STK39: variants seen among roughly 807,000 people sequenced by gnomAD.
STK39 encodes serine/threonine kinase 39, also known as STE20/SPS1-related proline-alanine-rich protein kinase.
STK39 carries 20 observed loss-of-function variants against 77.8 expected under a neutral mutation model. That is an observed-to-expected ratio of 0.26 (90% confidence interval 0.18 to 0.37). STK39 has a LOEUF of 0.37. Among genes scored for constraint, STK39 ranks in the 10% least tolerant of loss-of-function variants. STK39 has a pLI of 1.00. For missense variants in STK39, 479 were observed against 656.5 expected (o/e 0.73, Z 2.95); for synonymous variants, 246 against 234.1 (o/e 1.05, Z -0.47).
chr2:167,966,631 GC>G (rs1166326459), intron 16 of STK39, among the ~76,000 whole-genome samples: 8 of 152,074 alleles, frequency 5.3e-5, no homozygotes, highest in Admixed American at 2.6e-4. Flanking sequence ...ATATACAAGG[GC>G]CAATTTCCAG....
intron 14 of STK39, among the ~76,000 whole-genome samples, chr2:168,045,130 T>C (rs1325364457): frequency 4.6e-5 from 7 of 152,116 alleles, no homozygotes; most frequent in Non-Finnish European, 1.0e-4. Flanking sequence ...AAAAAAAAGT[T>C]ATAAACAAGA....
chr2:168,017,849 A>G (rs1684455124), intron 14 of STK39, among the ~76,000 whole-genome samples: 1 of 152,228 alleles, frequency 6.6e-6, no homozygotes, highest in South Asian at 2.1e-4. Context: ...CACAACACCA[A>G]GAGAAAGGTA....
rs199685150 is a variant in STK39 at position 168,161,748 on chromosome 2, C to T, written c.628+39G>A. ...ACATTCCTTGAAACTGTAACACTTCCGTAATCAAGTAAAAAATTTTTCTAT... is the reference window on the plus strand; with the variant it reads ...ACATTCCTTGAAACTGTAACACTTCTGTAATCAAGTAAAAAATTTTTCTAT... On this transcript the variant is annotated intron_variant, in intron 5 of 17. Coordinates refer to ENST00000355999, the MANE Select transcript of STK39 (RefSeq NM_013233.3). The T allele has an allele frequency of 2.3e-4, 342 of 1,478,722 alleles. 3 individuals are homozygous for T. The South Asian group carries it at 3.6e-3, about 16-fold the overall frequency. 91.6% of individuals were successfully genotyped at this position (1,478,722 alleles called of 1,614,324 possible). A position where few individuals can be genotyped will look rare whatever the true frequency, so the allele number is the denominator to read the frequency against.
Position 168,018,560 on chromosome 2 carries a change from AAG to A in STK39, c.1377-1467_1377-1466del, listed in dbSNP as rs1010191084. ...AAGAAAAGAAAGAAAGAAAGAAAGA[AAG>A]AAAGAAAGAAAGAAAGAAAGAAAGA... On this transcript the variant is annotated intron_variant, in intron 14 of 17. Transcript: ENST00000355999. Among the ~76,000 whole-genome samples the A allele has an allele frequency of 1.1e-4, 16 of 147,078 alleles. No individual in the cohort carries two copies. In the Admixed American group the frequency reaches 1.2e-3, roughly 11 times the overall value.
intron 10 of STK39, among the ~76,000 whole-genome samples, chr2:168,102,406 T>A (rs1686853314): frequency 6.6e-6 from 1 of 152,142 alleles, no homozygotes; most frequent in Admixed American, 6.5e-5. Context: ...CCTTGCATGA[T>A]CTTATGAGGT....
chr2:168,118,767 T>C (rs562479121), intron 10 of STK39, among the ~76,000 whole-genome samples: 14 of 152,036 alleles, frequency 9.2e-5, no homozygotes, highest in Admixed American at 7.2e-4. Flanking sequence ...AAGGAAAAAA[T>C]CTACGGCTGC....
chr2:168,233,688 C>T (rs10181180), intron 1 of STK39, among the ~76,000 whole-genome samples: 55,970 of 152,038 alleles, frequency 0.37, 10,690 homozygotes, highest in Non-Finnish European at 0.44. Flanking sequence ...AATTTTGGTA[C>T]TATTTTTCCT....
At chr2:168,216,073 G>T (rs1410889579) in intron 1 of STK39, among the ~76,000 whole-genome samples, 1 of 152,188 alleles carries the variant, frequency 6.6e-6, no homozygotes, top group Non-Finnish European at 1.5e-5. Flanking sequence ...TTGGGTAAAA[G>T]CAATGTGAGG....
intron 12 of STK39, among the ~76,000 whole-genome samples, chr2:168,070,194 A>G (rs1685902777): frequency 6.6e-6 from 1 of 152,176 alleles, no homozygotes; most frequent in South Asian, 2.1e-4. Flanking sequence ...ACCCCCAAAG[A>G]GATGAAAAGC....
intron 1 of STK39, among the ~76,000 whole-genome samples, chr2:168,203,395 G>T (rs1433519142): frequency 6.6e-6 from 1 of 151,752 alleles, no homozygotes; most frequent in African/African-American, 2.4e-5. Context: ...AAAATAATCT[G>T]CCTAAAATGT....
intron 16 of STK39, among the ~76,000 whole-genome samples, chr2:167,978,581 C>A (rs143321285): frequency 5.5e-4 from 84 of 152,292 alleles, no homozygotes; most frequent in African/African-American, 1.9e-3. Flanking sequence ...CTAATGTAAG[C>A]AGCTTAGGGA....
chr2:168,132,040 A>C (rs1207977334), intron 8 of STK39, among the ~76,000 whole-genome samples: 1 of 152,246 alleles, frequency 6.6e-6, no homozygotes, highest in Non-Finnish European at 1.5e-5. Flanking sequence ...GAGGGGCAGC[A>C]GCACATTCAA....
intron 16 of STK39, among the ~76,000 whole-genome samples, chr2:167,976,260 A>C (rs1163302277): frequency 6.6e-6 from 1 of 152,248 alleles, no homozygotes; most frequent in Non-Finnish European, 1.5e-5. Context: ...TAGTGAGAAA[A>C]AACAGTAGTT....
At chr2:168,112,680 C>T (rs768558443) in intron 10 of STK39, among the ~76,000 whole-genome samples, 2 of 152,150 alleles carry the variant, frequency 1.3e-5, no homozygotes, top group Non-Finnish European at 2.9e-5. Context: ...AAATTTTGAA[C>T]TTCCAGTAAG....
At chr2:168,218,773 T>C (rs1690088639) in intron 1 of STK39, among the ~76,000 whole-genome samples, 1 of 152,132 alleles carries the variant, frequency 6.6e-6, no homozygotes, top group African/African-American at 2.4e-5. Context: ...GAAAAAGACG[T>C]GGGGAAAGCC....
chr2:168,012,434 A>G (rs1406361573), intron 16 of STK39, among the ~76,000 whole-genome samples, 200 bp downstream of exon 16: 1 of 152,110 alleles, frequency 6.6e-6, no homozygotes, highest in Non-Finnish European at 1.5e-5. Context: ...TGGCCTCCCA[A>G]AGTGCTGGGA....
chr2:168,040,446 G>C (rs192969516), intron 14 of STK39, among the ~76,000 whole-genome samples: 14 of 152,288 alleles, frequency 9.2e-5, no homozygotes, highest in Non-Finnish European at 4.4e-5. Context: ...AATGCTTTTC[G>C]CTAAGTTCTC....
At chr2:168,102,954 AAATCTCT>A (rs1363022285) in intron 10 of STK39, among the ~76,000 whole-genome samples, 1 of 150,880 alleles carries the variant, frequency 6.6e-6, no homozygotes, top group East Asian at 1.9e-4. Context: ...AAAAAAAAAA[AAATCTCT>A]TCTCTGGGTG....
chr2:168,147,385 C>T (rs186778980), intron 5 of STK39, among the ~76,000 whole-genome samples: 2 of 152,104 alleles, frequency 1.3e-5, no homozygotes, highest in Non-Finnish European at 2.9e-5. Context: ...ATACCACCAA[C>T]GTTGGATGAT....
Sources: allele counts gnomAD v4.1 joint callset (sites outside exome capture counted in the v4.1 genomes callset), GRCh38; gene constraint gnomAD v4.1.1; transcripts MANE v1.5; gene names NCBI Gene and HGNC (gene_info 2026-07-23, HGNC 2026-07-21).